BAAT: variants seen among roughly 807,000 people sequenced by gnomAD.
BAAT encodes bile acid-CoA:amino acid N-acyltransferase.
A neutral mutation model predicts 18.9 loss-of-function variants in BAAT; 13 were observed. That is an observed-to-expected ratio of 0.69 (90% CI 0.45 to 1.10). The LOEUF is 1.10. Ranked by LOEUF, BAAT falls within the 50% of genes least tolerant of loss-of-function variation. BAAT has a pLI of 0.00. For synonymous variants in BAAT, 170 were observed against 190.7 expected, an observed-to-expected ratio of 0.89 and a Z score of 0.89; for missense variants, 489 against 504.0, an observed-to-expected ratio of 0.97 and a Z score of 0.28.
At position 101,368,126 on chromosome 9, in the gene BAAT, A is replaced by C. The variant is rs755684046; in HGVS notation, c.663T>G (p.His221Gln). ...CTGAAAAGACAAAAATTACCTTTGG[A>C]TGTCTCAGGAGAAAGTTGGCAGCCT... ...FEEAANFLLR[H>Q]PKVFGSGVGV... is the part of the protein sequence containing the mutation. The change falls in exon 3 of 4, where the codon CAT becomes CAG. Residue 221 changes from histidine to glutamine, a missense_variant. His to Gln is a conservative substitution (Grantham distance 24). Transcript: ENST00000259407. 13 of 1,613,424 alleles carry C rather than the reference A, an allele frequency of 8.1e-6. No homozygotes were observed. Among genetic ancestry groups the C allele is most frequent in the Non-Finnish European group, 8.5e-6 (10 of 1,179,488 alleles).
At chr9:101,374,315 A>C (rs1830003355) in intron 1 of BAAT, among the ~76,000 whole-genome samples, 1 of 152,170 alleles carries the variant, frequency 6.6e-6, no homozygotes, top group African/African-American at 2.4e-5. Context: ...GCCCTATCAG[A>C]TTAACTTTGT....
chr9:101,384,822 G>A (rs1830179947), intron 1 of BAAT, among the ~76,000 whole-genome samples, 33 bp downstream of exon 1: 1 of 152,104 alleles, frequency 6.6e-6, no homozygotes, highest in Non-Finnish European at 1.5e-5. Flanking sequence ...TACATTAAAA[G>A]AATGGAAGTA....
rs371796700 is a variant in BAAT, at chr9:101,362,499, C to A, written c.1186G>T (p.Glu396Ter). The change falls in exon 4 of 4, where the codon GAA (glutamate) becomes TAA (stop). Residue 396 changes from glutamate (E) to a stop codon, truncating the protein, a stop_gained. Coordinates refer to ENST00000259407, the MANE Select transcript of BAAT (RefSeq NM_001701.4). LOFTEE classifies it high-confidence loss of function. Reference sequence around the variant, plus strand: ...CTCTGGATCTCCTTCCAAGCATGTTCCTGTGCAGCTGCGTGTGGGATCACC... The same window carrying A: ...CTCTGGATCTCCTTCCAAGCATGTTACTGTGCAGCTGCGTGTGGGATCACC... ...GEVIPHAAAQ[E>*]HAWKEIQRFL... is the part of the protein sequence containing the mutation. 4.7e-5 allele frequency: 76 copies of A among 1,613,984 alleles called. No individual in the cohort carries two copies. Among genetic ancestry groups the A allele is most frequent in the Non-Finnish European group, 5.9e-5 (70 of 1,180,028 alleles).
At chr9:101,367,116 GAA>G (rs66591298) in intron 3 of BAAT, among the ~76,000 whole-genome samples, 286 of 99,664 alleles carry the variant, frequency 2.9e-3, no homozygotes, top group African/African-American at 4.8e-3. Flanking sequence ...GTCAAAAAAA[GAA>G]AAAAAAAAAA....
At chr9:101,376,671 C>T (rs1455391131) in intron 1 of BAAT, 2 of 152,258 alleles carry the variant, frequency 1.3e-5, no homozygotes, top group Admixed American at 6.5e-5. Flanking sequence ...ACCTCCCACT[C>T]ACGCACAAAG....
intron 1 of BAAT, among the ~76,000 whole-genome samples, chr9:101,380,114 G>A (rs1315325435): frequency 6.6e-6 from 1 of 151,948 alleles, no homozygotes; most frequent in African/African-American, 2.4e-5. Context: ...CAATTAGAAA[G>A]CTGGAGTGTG....
intron 3 of BAAT, among the ~76,000 whole-genome samples, chr9:101,365,152 G>T (rs1424579717): frequency 6.6e-6 from 1 of 152,164 alleles, no homozygotes; most frequent in African/African-American, 2.4e-5. Context: ...ACAAAATAAA[G>T]CTCCGATTCT....
Position 101,371,256 on chromosome 9 carries a change from T to C in BAAT, c.149A>G (p.Tyr50Cys). 1 of 1,613,340 alleles carries C rather than the reference T, an allele frequency of 6.2e-7. No individual in the cohort carries two copies. Among genetic ancestry groups the C allele is most frequent in the Non-Finnish European group, 8.5e-7 (1 of 1,179,390 alleles). Reference protein sequence around the residue: ...NGDMFYSQAHYRANEFGEVDL... With the variant: ...NGDMFYSQAHCRANEFGEVDL... ...CACCTCACCGAATTCATTGGCCCTA[T>C]AGTGGGCTTGAGAATAAAACATGTC... The change falls in exon 2 of 4, where the codon TAT becomes TGT. Residue 50 changes from tyrosine to cysteine, a missense_variant. Tyr to Cys is a radical substitution (Grantham distance 194). Transcript: ENST00000259407.
At chr9:101,380,835 T>C (rs1354204278) in intron 1 of BAAT, among the ~76,000 whole-genome samples, 3 of 152,020 alleles carry the variant, frequency 2.0e-5, no homozygotes, top group Non-Finnish European at 4.4e-5. Context: ...CTCACTGCAA[T>C]CTCCACTTCC....
chr9:101,365,113 AAGG>A (rs1007507916), intron 3 of BAAT, among the ~76,000 whole-genome samples: 21 of 152,194 alleles, frequency 1.4e-4, no homozygotes, highest in African/African-American at 4.8e-4. Flanking sequence ...TGGGAATTCT[AAGG>A]AGGAGTTAAA....
chr9:101,368,390 A>G (rs1829871764), intron 2 of BAAT, 68 bp from the exon 3 acceptor site: 1 of 1,379,338 alleles, frequency 7.2e-7, no homozygotes. Flanking sequence ...ACTTGAAAAT[A>G]CAAAGCAGAA....
intron 1 of BAAT, among the ~76,000 whole-genome samples, chr9:101,384,497 C>A (rs1333275370): frequency 6.6e-6 from 1 of 151,954 alleles, no homozygotes; most frequent in Admixed American, 6.6e-5. Context: ...AGACTCAAGC[C>A]CTACTAAGGG....
At chr9:101,383,484 T>C (rs1830161726) in intron 1 of BAAT, 1 of 152,194 alleles carries the variant, frequency 6.6e-6, no homozygotes, top group Non-Finnish European at 1.5e-5. Flanking sequence ...ATTCTTCCTC[T>C]TGAGCCTTCT....
chr9:101,362,485 C>T lies in BAAT; in HGVS notation c.1200G>A (p.Lys400=), dbSNP rs1395341693. The change falls in exon 4 of 4, where the codon AAG becomes AAA. Residue 400 remains lysine, a synonymous_variant. Transcript: ENST00000259407. The part of the protein sequence containing the change: ...PHAAAQEHAW[K]EIQRFLRKHL... ...GCTTCCTGAGAAATCTCTGGATCTCCTTCCAAGCATGTTCCTGTGCAGCTG... is the reference window on the plus strand; with the variant it reads ...GCTTCCTGAGAAATCTCTGGATCTCTTTCCAAGCATGTTCCTGTGCAGCTG... 6.2e-6 allele frequency: 10 copies of T among 1,614,106 alleles called. No homozygotes were observed. The highest frequency in any genetic ancestry group is 2.2e-5 in the South Asian group (2 of 91,088).
chr9:101,369,911 A>G (rs1386181999), intron 2 of BAAT, among the ~76,000 whole-genome samples: 3 of 152,174 alleles, frequency 2.0e-5, no homozygotes, highest in African/African-American at 7.2e-5. Flanking sequence ...GTGGGAAACT[A>G]TGAGCGTTCT....
intron 3 of BAAT, among the ~76,000 whole-genome samples, chr9:101,367,226 T>A (rs1829846161): frequency 6.6e-6 from 1 of 151,602 alleles, no homozygotes; most frequent in South Asian, 2.1e-4. Context: ...TGTTTTAAAA[T>A]TTTAAAAGGC....
At chr9:101,364,334 G>C (rs1829788910) in intron 3 of BAAT, among the ~76,000 whole-genome samples, 1 of 152,282 alleles carries the variant, frequency 6.6e-6, no homozygotes, top group Non-Finnish European at 1.5e-5. Context: ...CTGGCCTGTT[G>C]ACTTAATTCC....
Position 101,382,855 on chromosome 9 carries a change from T to C in BAAT, c.-60+2000A>G, listed in dbSNP as rs1367533872. 2.6e-5 allele frequency among the ~76,000 whole-genome samples: 4 copies of C among 152,200 alleles called. No homozygotes were observed. In the East Asian group the frequency reaches 7.7e-4, roughly 29 times the overall value. On this transcript the variant is annotated intron_variant, in intron 1 of 3. Transcript: ENST00000259407. ...ATAAGTCAATTAGAAAGTCATTAACTTTAGCTCAAACTTATACTTGCTTTT... is the reference window on the plus strand; with the variant it reads ...ATAAGTCAATTAGAAAGTCATTAACCTTAGCTCAAACTTATACTTGCTTTT...
At chr9:101,367,108 C>CAAAA (rs1310860267) in intron 3 of BAAT, among the ~76,000 whole-genome samples, 577 of 39,282 alleles carry the variant, frequency 0.015, 15 homozygotes, top group African/African-American at 0.056. Context: ...GAGACTCTGT[C>CAAAA]AAAAAAAGAA....
Sources: allele counts gnomAD v4.1 joint callset (sites outside exome capture counted in the v4.1 genomes callset), GRCh38; gene constraint gnomAD v4.1.1; transcripts MANE v1.5; gene names NCBI Gene and HGNC (gene_info 2026-07-23, HGNC 2026-07-21).